The following SLC2A1 variants were observed in gnomAD, a reference collection of about 807,000 sequenced individuals.
The protein encoded by SLC2A1 is solute carrier family 2, facilitated glucose transporter member 1.
A neutral mutation model predicts 46.6 loss-of-function variants in SLC2A1; 4 were observed. The observed-to-expected ratio is 0.09, with a 90% confidence interval of 0.04 to 0.20. The LOEUF (loss-of-function observed/expected upper bound fraction) is 0.20. Ranked by LOEUF, SLC2A1 falls within the 10% of genes least tolerant of loss-of-function variation. The pLI is 1.00. For missense variants in SLC2A1, 352 were observed against 667.0 expected (o/e 0.53, Z 5.20); for synonymous variants, 253 against 270.0 (o/e 0.94, Z 0.62).
At chr1:42,958,611 G>A (rs1024679271) in intron 1 of SLC2A1, 23 bp downstream of exon 1, 88 of 1,522,250 alleles carry the variant, frequency 5.8e-5, no homozygotes, top group Non-Finnish European at 7.3e-5. Context: ...CCTGGCGGGA[G>A]GGCCCGCGGG....
chr1:42,939,737 C>G (rs1643576943), intron 2 of SLC2A1, among the ~76,000 whole-genome samples: 3 of 152,136 alleles, frequency 2.0e-5, no homozygotes, highest in African/African-American at 7.2e-5. Context: ...CGCCTGAGGT[C>G]AGGAGTTTGA....
rs121909738 is a variant in SLC2A1 at position 42,929,694 on chromosome 1, T to C, written c.766A>G (p.Lys256Glu). The C allele has an allele frequency of 4.1e-5, 66 of 1,613,784 alleles. No homozygotes were observed. The highest frequency in any genetic ancestry group is 1.6e-4 in the Middle Eastern group (1 of 6,082). ...CGGAACAGCTCCAGGATGGTGACCT[T>C]CTTCTCCCGCATCATCTGCCGACTC... ...EESRQMMREK[K>E]VTILELFRSP... Residue 256 changes from lysine (K) to glutamate (E), a missense_variant, in exon 6 of 10, where the codon AAG becomes GAG. Physicochemically the swap from Lys to Glu is moderately conservative, Grantham distance 56 (BLOSUM62 1). Around this residue, in one of 5 missense-constraint regions of SLC2A1, gnomAD observed 167 missense variants for 280.8 expected, o/e 0.59. Coordinates refer to ENST00000426263, the MANE Select transcript of SLC2A1 (RefSeq NM_006516.4). This position sits in a 1 kb window ranked among gnomAD's most constrained non-coding sequence, Gnocchi z 6.0.
intron 2 of SLC2A1, among the ~76,000 whole-genome samples, chr1:42,931,739 T>C (rs960433024): frequency 1.3e-5 from 2 of 150,416 alleles, no homozygotes; most frequent in Non-Finnish European, 2.9e-5. Context: ...TAAGGCAGAA[T>C]TGCTTAAACC....
At chr1:42,946,005 C>CA (rs1459779026) in intron 1 of SLC2A1, among the ~76,000 whole-genome samples, 1 of 152,096 alleles carries the variant, frequency 6.6e-6, no homozygotes, top group Non-Finnish European at 1.5e-5. Context: ...ATGGATCTGG[C>CA]AAAAATTATG....
chr1:42,938,420 C>T (rs182923347), intron 2 of SLC2A1, among the ~76,000 whole-genome samples: 1 of 152,310 alleles, frequency 6.6e-6, no homozygotes, highest in East Asian at 1.9e-4. Flanking sequence ...ATGTCAGCCC[C>T]GCCTGCCTTG....
chr1:42,927,113 C>G lies in SLC2A1; in HGVS notation c.1407G>C (p.Gln469His), dbSNP rs201748668. ...TFDEIASGFR[Q>H]GGASQSDKTP... ...TCTTGTCACTTTGGCTGGCTCCCCC[C>G]TGCCGGAAGCCGGAAGCGATCTCAT... Residue 469 changes from glutamine to histidine, a missense_variant, in exon 10 of 10, where the codon CAG becomes CAC. Transcript: ENST00000426263. The surrounding 1 kb of genome is among the most constrained non-coding windows in gnomAD (Gnocchi z 5.3). The G allele has an allele frequency of 4.3e-6, 7 of 1,614,220 alleles. No homozygotes were observed. The highest frequency in any genetic ancestry group is 2.2e-5 in the East Asian group (1 of 44,880).
chr1:42,925,571 A>T lies in SLC2A1; in HGVS notation c.*1470T>A, dbSNP rs1185591640. On this transcript the variant is annotated 3_prime_UTR_variant, in exon 10 of 10. Transcript: ENST00000426263. ...TCTGGAAATTCAGGGGTGAAGGAGG[A>T]GGATGAGCTGTCTTTAGAGATGAAG... The T allele has an allele frequency of 6.6e-6, 1 of 152,268 alleles. No homozygotes were observed. Among genetic ancestry groups the T allele is most frequent in the Non-Finnish European group, 1.5e-5 (1 of 68,060 alleles). 9.4% of individuals were successfully genotyped at this position (152,268 alleles called of 1,614,324 possible). A position where few individuals can be genotyped will look rare whatever the true frequency, so the allele number is the denominator to read the frequency against.
chr1:42,957,365 G>A (rs532065087), intron 1 of SLC2A1, among the ~76,000 whole-genome samples: 1 of 152,306 alleles, frequency 6.6e-6, no homozygotes, highest in East Asian at 1.9e-4. Flanking sequence ...ACAGGTGTGG[G>A]GCGGAAGGCC....
chr1:42,933,525 G>A (rs921738693), intron 2 of SLC2A1, among the ~76,000 whole-genome samples: 2 of 152,204 alleles, frequency 1.3e-5, no homozygotes, highest in African/African-American at 4.8e-5. Flanking sequence ...AAAGGTGTTA[G>A]GCTCTCCTCT....
chr1:42,931,277 T>G, intron 2 of SLC2A1, 71 bp from the exon 3 acceptor site: 1 of 1,502,358 alleles, frequency 6.7e-7, no homozygotes, highest in Non-Finnish European at 9.1e-7. Context: ...CCTTTCCCCT[T>G]GCACCCCTCC....
intron 2 of SLC2A1, among the ~76,000 whole-genome samples, chr1:42,936,878 A>G (rs1440783451): frequency 6.6e-6 from 1 of 152,002 alleles, no homozygotes; most frequent in East Asian, 1.9e-4. Flanking sequence ...CCTCCCGAGA[A>G]CCACCCCTCC....
chr1:42,936,778 T>G (rs1315610192), intron 2 of SLC2A1, among the ~76,000 whole-genome samples: 3 of 152,164 alleles, frequency 2.0e-5, no homozygotes, highest in Non-Finnish European at 1.5e-5. Context: ...GCACACGCAG[T>G]GACTCCCTCA....
At chr1:42,956,053 T>A (rs529724720) in intron 1 of SLC2A1, among the ~76,000 whole-genome samples, 1 of 152,060 alleles carries the variant, frequency 6.6e-6, no homozygotes, top group African/African-American at 2.4e-5. Context: ...GCCTCTAACA[T>A]CATGCACAAA....
rs1465080369 is a variant in SLC2A1, at chr1:42,954,021, G to A, written c.18+4613C>T. On this transcript the variant is annotated intron_variant, in intron 1 of 9. Transcript: ENST00000426263. The surrounding 1 kb of genome is among the most constrained non-coding windows in gnomAD (Gnocchi z 4.2). The stretch of plus-strand genomic sequence containing the variant: ...GAAGGAAACCAAGGCTCCAAGGAAA[G>A]CCACTTCTTCAAGGTCAGAGTTTAG... Among the ~76,000 whole-genome samples, 2 of 152,220 alleles carry A rather than the reference G, an allele frequency of 1.3e-5. No individual in the cohort carries two copies. Among genetic ancestry groups the A allele is most frequent in the Non-Finnish European group, 2.9e-5 (2 of 68,034 alleles).
At chr1:42,941,985 A>G (rs1029110883) in intron 2 of SLC2A1, among the ~76,000 whole-genome samples, 13 of 152,222 alleles carry the variant, frequency 8.5e-5, no homozygotes, top group African/African-American at 2.9e-4. Flanking sequence ...GTGGCCCCAT[A>G]GCCACTGTCT....
intron 2 of SLC2A1, among the ~76,000 whole-genome samples, chr1:42,939,884 C>T (rs1431317677): frequency 6.9e-6 from 1 of 144,026 alleles, no homozygotes; most frequent in Non-Finnish European, 1.5e-5. Context: ...ACCCAGGAAG[C>T]GGAGGTTGCA....
chr1:42,940,147 C>G (rs1321622241), intron 2 of SLC2A1, among the ~76,000 whole-genome samples: 2 of 152,026 alleles, frequency 1.3e-5, no homozygotes, highest in Non-Finnish European at 2.9e-5. Context: ...CTAGCCATAC[C>G]ATCATTCCAA....
chr1:42,941,389 C>G (rs910554793), intron 2 of SLC2A1, among the ~76,000 whole-genome samples: 1 of 152,166 alleles, frequency 6.6e-6, no homozygotes, highest in Non-Finnish European at 1.5e-5. Context: ...CCTGTTCACT[C>G]TAGTGACACA....
At chr1:42,952,316 A>C in intron 1 of SLC2A1, 1 of 459,846 alleles carries the variant, frequency 2.2e-6, no homozygotes, top group Non-Finnish European at 4.4e-6. Context: ...TGTCCCCCAC[A>C]GTGCTGATGA....
Sources: allele counts gnomAD v4.1 joint callset (sites outside exome capture counted in the v4.1 genomes callset), GRCh38; gene constraint gnomAD v4.1.1; regional missense constraint gnomAD v4.1.1; non-coding constraint Gnocchi (gnomAD v3.1); transcripts MANE v1.5; gene names NCBI Gene and HGNC (gene_info 2026-07-23, HGNC 2026-07-21).